LONRF2: variants seen among roughly 807,000 people sequenced by gnomAD.
LONRF2 encodes LON peptidase N-terminal domain and RING finger protein 2.
A neutral mutation model predicts 66.6 loss-of-function variants in LONRF2; 35 were observed. That is an observed-to-expected ratio of 0.53 (90% CI 0.40 to 0.70). The LOEUF (loss-of-function observed/expected upper bound fraction) is 0.70. LONRF2 is among the 30% of genes least tolerant of loss of function. The probability of loss-of-function intolerance (pLI) is 0.00; values close to 1 mark genes in which losing one functional copy is unlikely to be tolerated. For missense variants in LONRF2, 902 were observed against 1,002.1 expected, an observed-to-expected ratio of 0.90 and a Z score of 1.35; for synonymous variants, 417 against 418.1, an observed-to-expected ratio of 1.00 and a Z score of 0.03.
At chr2:100,291,262 T>G (rs79560895) in intron 9 of LONRF2, among the ~76,000 whole-genome samples, 3,570 of 152,138 alleles carry the variant, frequency 0.023, 58 homozygotes, top group Non-Finnish European at 0.035. Flanking sequence ...CAAAGGGAGT[T>G]TGCATCACAC....
chr2:100,299,069 A>G (rs1675126688), intron 6 of LONRF2, 119 bp from the exon 7 acceptor site: 3 of 889,034 alleles, frequency 3.4e-6, no homozygotes, highest in Non-Finnish European at 5.4e-6. Flanking sequence ...ACTTGCATGC[A>G]CTTTCATTTT....
intron 2 of LONRF2, among the ~76,000 whole-genome samples, chr2:100,306,207 C>T (rs10191099): frequency 0.061 from 9,251 of 152,216 alleles, 896 homozygotes; most frequent in African/African-American, 0.21. Flanking sequence ...AGCCACCACA[C>T]CTGGTCAGGA....
Position 100,273,573 on chromosome 2 carries a change from A to G in LONRF2, c.*10725T>C, listed in dbSNP as rs980334895. The G allele has an allele frequency of 1.2e-4, 18 of 152,250 alleles. No individual in the cohort carries two copies. Among genetic ancestry groups the G allele is most frequent in the African/African-American group, 4.1e-4 (17 of 41,466 alleles). 9.4% of individuals were successfully genotyped at this position (152,250 alleles called of 1,614,324 possible). On this transcript the variant is annotated 3_prime_UTR_variant, in exon 12 of 12. Transcript: ENST00000393437. ...ATAACATTTAAGTTTCGTCTCACTT[A>G]GGCAACAAGAAATGCTGAGTAGTAT... is the stretch of plus-strand genomic sequence containing the variant.
In LONRF2 at chr2:100,321,503, C is replaced by T. The variant is rs747699087; in HGVS notation, c.591G>A (p.Leu197=). Residue 197 remains leucine, a synonymous_variant, in exon 1 of 12, where the codon CTG becomes CTA. Coordinates refer to ENST00000393437, the MANE Select transcript of LONRF2 (RefSeq NM_198461.4). ...LEKCFPAECR[L]RRLAGQARSL... is the part of the protein sequence containing the mutation. ...TCCGCGCCTGGCCTGCCAGCCTGCGCAGCCGGCACTCGGCCGGGAAGCACT... is the reference window on the plus strand; with the variant it reads ...TCCGCGCCTGGCCTGCCAGCCTGCGTAGCCGGCACTCGGCCGGGAAGCACT... 3.2e-6 allele frequency: 5 copies of T among 1,544,976 alleles called. No homozygotes were observed. The African/African-American group carries it at 5.7e-5, about 18-fold the overall frequency.
chr2:100,293,563 G>A (rs1319117386), intron 9 of LONRF2, among the ~76,000 whole-genome samples: 1 of 152,142 alleles, frequency 6.6e-6, no homozygotes, highest in Non-Finnish European at 1.5e-5. Context: ...AGGGATGGGA[G>A]GGTCCTGAGT....
chr2:100,299,479 T>G (rs950873907), intron 5 of LONRF2, among the ~76,000 whole-genome samples, 160 bp from the exon 6 acceptor site: 2 of 152,172 alleles, frequency 1.3e-5, no homozygotes, highest in African/African-American at 4.8e-5. Context: ...ACAGCAATAA[T>G]TTATCTGGAT....
intron 4 of LONRF2, among the ~76,000 whole-genome samples, chr2:100,300,147 T>C (rs910085271): frequency 1.9e-5 from 2 of 104,416 alleles, no homozygotes; most frequent in African/African-American, 8.6e-5. Context: ...GTTATCTTCA[T>C]ATGCAATCTG....
intron 1 of LONRF2, among the ~76,000 whole-genome samples, chr2:100,316,840 A>ATG: frequency 6.6e-6 from 1 of 152,160 alleles, no homozygotes; most frequent in African/African-American, 2.4e-5. Flanking sequence ...TTCTCTCCAT[A>ATG]TGTGTGTGTG....
chr2:100,304,625 G>GTTTTTTTT lies in LONRF2; in HGVS notation c.799-1590_799-1583dup, dbSNP rs3039612. On this transcript the variant is annotated intron_variant, in intron 2 of 11. Coordinates refer to ENST00000393437, the MANE Select transcript of LONRF2 (RefSeq NM_198461.4). The stretch of plus-strand genomic sequence containing the variant: ...CACTCAGAGACAATTTTAGTTGACT[G>GTTTTTTTT]TTTTTTTTTTTTTTTTGAGACAGAG... 1.1e-4 allele frequency among the ~76,000 whole-genome samples: 14 copies of GTTTTTTTT among 122,018 alleles called. 1 individual carries two copies. The highest frequency in any genetic ancestry group is 2.4e-4 in the East Asian group (1 of 4,164). The allele number at this position is 122,018 out of a possible 152,430, so 80.0% of individuals were successfully genotyped here.
At chr2:100,295,635 A>C (rs371278959) in intron 7 of LONRF2, 82 bp from the exon 8 acceptor site, 23 of 1,420,550 alleles carry the variant, frequency 1.6e-5, no homozygotes, top group African/African-American at 1.4e-4. Context: ...GTGAACAAGG[A>C]GGTGGTGGGT....
At chr2:100,298,155 T>C (rs1463914064) in intron 7 of LONRF2, among the ~76,000 whole-genome samples, 1 of 152,190 alleles carries the variant, frequency 6.6e-6, no homozygotes, top group African/African-American at 2.4e-5. Flanking sequence ...ATGGCACTAA[T>C]AGGACCACAG....
In LONRF2 at chr2:100,272,335, T is replaced by G. The variant is rs563180284; in HGVS notation, c.*11963A>C. On this transcript the variant is annotated 3_prime_UTR_variant, in exon 12 of 12. Coordinates refer to ENST00000393437, the MANE Select transcript of LONRF2 (RefSeq NM_198461.4). ...GCAACACAGCTAGACCTCGTCTCCA[T>G]AGAAAGTAAAAAAATTAGCCGGGTA... Among the ~76,000 whole-genome samples the G allele has an allele frequency of 6.6e-6, 1 of 151,976 alleles. No homozygotes were observed. Among genetic ancestry groups the G allele is most frequent in the South Asian group, 2.1e-4 (1 of 4,808 alleles).
rs747497499 is a variant in LONRF2, at chr2:100,322,058, G to GGGCGGC, written c.30_35dup (p.Pro11_Pro12dup). On this transcript the variant is annotated inframe_insertion, in exon 1 of 12. Coordinates refer to ENST00000393437, the MANE Select transcript of LONRF2 (RefSeq NM_198461.4). ...CCGCGCGGTCGCAGCCAGGACACTG[G>GGGCGGC]GGCGGCGGCGGCGGCGGGACCGGCT... is the stretch of plus-strand genomic sequence containing the variant. 11 of 1,308,886 alleles carry GGGCGGC rather than the reference G, an allele frequency of 8.4e-6. No individual in the cohort carries two copies. The highest frequency in any genetic ancestry group is 9.7e-6 in the Non-Finnish European group (10 of 1,030,128). 81.1% of individuals were successfully genotyped at this position (1,308,886 alleles called of 1,614,324 possible).
chr2:100,316,617 C>T (rs546075960), intron 1 of LONRF2, among the ~76,000 whole-genome samples: 18 of 151,758 alleles, frequency 1.2e-4, no homozygotes, highest in Non-Finnish European at 2.4e-4. Flanking sequence ...AACACAACCA[C>T]AGGCCAACTC....
chr2:100,315,968 T>C (rs1675497243), intron 1 of LONRF2, among the ~76,000 whole-genome samples: 1 of 152,186 alleles, frequency 6.6e-6, no homozygotes, highest in African/African-American at 2.4e-5. Flanking sequence ...CTCTAAGCAC[T>C]GTTGCATTGC....
chr2:100,299,742 G>A lies in LONRF2; in HGVS notation c.1242C>T (p.Asn414=), dbSNP rs200557034. 18 of 1,613,946 alleles carry A rather than the reference G, an allele frequency of 1.1e-5. No homozygotes were observed. The highest frequency in any genetic ancestry group is 2.7e-5 in the African/African-American group (2 of 74,896). The change falls in exon 5 of 12, where the codon AAC becomes AAT. Residue 414 remains asparagine (N), a synonymous_variant. Coordinates refer to ENST00000393437, the MANE Select transcript of LONRF2 (RefSeq NM_198461.4). ...CTTTCTTGGGAATTTTTCCAGGGGCGTTCAGGTCAGGTGCATCCTCCACGT... is the reference window on the plus strand; with the variant it reads ...CTTTCTTGGGAATTTTTCCAGGGGCATTCAGGTCAGGTGCATCCTCCACGT... The part of the protein sequence containing the change: ...PDDVEDAPDL[N]APGKIPKKDL...
At chr2:100,284,515 G>C in intron 11 of LONRF2, 23 bp from the exon 12 acceptor site, 2 of 1,514,736 alleles carry the variant, frequency 1.3e-6, no homozygotes, top group Non-Finnish European at 1.8e-6. Flanking sequence ...TGAGGGGAAA[G>C]CAAGGTTAAC....
At chr2:100,306,051 G>A (rs551837887) in intron 2 of LONRF2, among the ~76,000 whole-genome samples, 1 of 152,006 alleles carries the variant, frequency 6.6e-6, no homozygotes, top group South Asian at 2.1e-4. Flanking sequence ...ACCACACCTG[G>A]CTAATTTTTT....
intron 8 of LONRF2, 39 bp downstream of exon 8, chr2:100,295,393 C>T: frequency 6.3e-7 from 1 of 1,579,850 alleles, no homozygotes; most frequent in Non-Finnish European, 8.6e-7. Flanking sequence ...AAAGTTCAAT[C>T]TGAACTTAAG....
Sources: allele counts gnomAD v4.1 joint callset (sites outside exome capture counted in the v4.1 genomes callset), GRCh38; gene constraint gnomAD v4.1.1; transcripts MANE v1.5; gene names NCBI Gene and HGNC (gene_info 2026-07-23, HGNC 2026-07-21).